MACROD2: variants seen among roughly 807,000 people sequenced by gnomAD.
MACROD2 encodes the protein ADP-ribose glycohydrolase MACROD2.
Under a neutral mutation model 70.4 loss-of-function variants are expected in MACROD2, and 36 were observed. That is an observed-to-expected ratio of 0.51 (90% CI 0.39 to 0.68). The LOEUF (loss-of-function observed/expected upper bound fraction) is 0.68, where lower values mean the gene tolerates loss of function less well. Among genes scored for constraint, MACROD2 ranks in the 30% least tolerant of loss-of-function variants. The pLI is 0.00. For synonymous variants in MACROD2, 172 were observed against 178.8 expected (o/e 0.96, Z 0.30); for missense variants, 496 against 538.4 (o/e 0.92, Z 0.78).
intron 5 of MACROD2, among the ~76,000 whole-genome samples, chr20:14,832,029 TGCGAG>T (rs2122238390): frequency 1.5e-5 from 2 of 137,108 alleles, no homozygotes; most frequent in African/African-American, 5.6e-5. Context: ...TTCATGCCTT[TGCGAG>T]TTTTTTTTTT....
chr20:14,794,309 T>C (rs1458771072), intron 5 of MACROD2, among the ~76,000 whole-genome samples: 2 of 152,158 alleles, frequency 1.3e-5, no homozygotes, highest in African/African-American at 4.8e-5. Context: ...TATGTCACCA[T>C]TGAAGACTAC....
At chr20:15,143,874 C>A (rs2076210437) in intron 5 of MACROD2, among the ~76,000 whole-genome samples, 1 of 150,542 alleles carries the variant, frequency 6.6e-6, no homozygotes, top group Non-Finnish European at 1.5e-5. Context: ...TTTTGGCTTC[C>A]CTGGGCCACG....
intron 6 of MACROD2, among the ~76,000 whole-genome samples, chr20:15,264,661 A>G (rs1383789686): frequency 6.6e-6 from 1 of 152,168 alleles, no homozygotes; most frequent in Non-Finnish European, 1.5e-5. Context: ...TGCAGCCCTC[A>G]GAAGAATAGG....
intron 4 of MACROD2, among the ~76,000 whole-genome samples, chr20:14,537,154 A>G (rs2085376590): frequency 6.6e-6 from 1 of 152,210 alleles, no homozygotes; most frequent in Non-Finnish European, 1.5e-5. Flanking sequence ...ATTGGTGAAG[A>G]AAGCTCATAT....
chr20:15,743,754 T>C (rs17625810), intron 8 of MACROD2, among the ~76,000 whole-genome samples: 20,402 of 152,224 alleles, frequency 0.13, 1,584 homozygotes, highest in Non-Finnish European at 0.17. Flanking sequence ...CTCAATAAAG[T>C]TCTCTCGTTT....
chr20:15,872,224 T>C (rs1387916096), intron 9 of MACROD2, among the ~76,000 whole-genome samples: 1 of 151,366 alleles, frequency 6.6e-6, no homozygotes, highest in Non-Finnish European at 1.5e-5. Context: ...CCTCTTTCCT[T>C]CTTCTTCTTA....
At chr20:15,099,702 G>C (rs2075858184) in intron 5 of MACROD2, among the ~76,000 whole-genome samples, 1 of 152,150 alleles carries the variant, frequency 6.6e-6, no homozygotes, top group Admixed American at 6.6e-5. Flanking sequence ...GGCGGGAAAA[G>C]TTTTGAGATC....
chr20:14,874,767 C>A (rs1233868283), intron 5 of MACROD2, among the ~76,000 whole-genome samples: 1 of 151,604 alleles, frequency 6.6e-6, no homozygotes. Context: ...TGCAGTGGTG[C>A]AATCTTGGCT....
chr20:14,505,463 A>T (rs752348497), intron 4 of MACROD2, among the ~76,000 whole-genome samples: 8 of 152,246 alleles, frequency 5.3e-5, no homozygotes, highest in Non-Finnish European at 1.2e-4. Flanking sequence ...CATCCTTTAA[A>T]AAATAATACA....
chr20:14,550,982 T>C (rs1737768696), intron 4 of MACROD2, among the ~76,000 whole-genome samples: 3 of 152,196 alleles, frequency 2.0e-5, no homozygotes, highest in Admixed American at 6.5e-5. Flanking sequence ...CTGCTTATAT[T>C]TGCTGTTACC....
At chr20:15,532,482 C>T (rs2047816997) in intron 8 of MACROD2, among the ~76,000 whole-genome samples, 1 of 151,812 alleles carries the variant, frequency 6.6e-6, no homozygotes, top group South Asian at 2.1e-4. Flanking sequence ...GGAAGCAAAC[C>T]AATCAACAAA....
At chr20:14,194,248 G>C (rs1241748948) in intron 3 of MACROD2, among the ~76,000 whole-genome samples, 5 of 152,188 alleles carry the variant, frequency 3.3e-5, no homozygotes, top group Non-Finnish European at 5.9e-5. Flanking sequence ...ATGATACATT[G>C]TTGTGTATCA....
rs117905537 is a variant in MACROD2 at position 15,971,902 on chromosome 20, A to G, written c.985+4272A>G. On this transcript the variant is annotated intron_variant, in intron 13 of 17. Transcript: ENST00000684519. ...AAGAAAAGTTGATAAATGGAACTCA[A>G]CCCATAAATGATGCAGATGATAGAA... is the stretch of plus-strand genomic sequence containing the variant. Among the ~76,000 whole-genome samples, 613 of 152,304 alleles carry G rather than the reference A, an allele frequency of 4.0e-3. 4 individuals carry two copies. The highest frequency in any genetic ancestry group is 7.5e-3 in the Non-Finnish European group (513 of 68,026).
chr20:15,919,292 C>T (rs948352282), intron 10 of MACROD2, among the ~76,000 whole-genome samples: 1 of 152,218 alleles, frequency 6.6e-6, no homozygotes, highest in African/African-American at 2.4e-5. Flanking sequence ...CTGTGGCCTA[C>T]TCTGCCACCA....
intron 5 of MACROD2, among the ~76,000 whole-genome samples, chr20:14,918,215 A>G (rs1298245933): frequency 2.0e-5 from 3 of 152,110 alleles, no homozygotes; most frequent in Non-Finnish European, 4.4e-5. Flanking sequence ...GGTTCAAGCA[A>G]TCCACCTGCC....
At chr20:14,348,552 G>T (rs6110256) in intron 3 of MACROD2, among the ~76,000 whole-genome samples, 1 of 147,100 alleles carries the variant, frequency 6.8e-6, no homozygotes, top group Non-Finnish European at 1.5e-5. Context: ...TTTATTAGTA[G>T]ACAAAAAAAA....
intron 7 of MACROD2, among the ~76,000 whole-genome samples, chr20:15,442,470 G>A (rs1252765718): frequency 6.6e-6 from 1 of 152,038 alleles, no homozygotes; most frequent in East Asian, 1.9e-4. Context: ...CCTTCCCGAA[G>A]GTATTGGTCT....
intron 5 of MACROD2, among the ~76,000 whole-genome samples, chr20:15,215,194 AG>A (rs1160553614): frequency 6.6e-6 from 1 of 151,906 alleles, no homozygotes; most frequent in Non-Finnish European, 1.5e-5. Context: ...ACTATGAAAC[AG>A]CTAGTTCAAA....
At chr20:15,590,399 C>A (rs985684805) in intron 8 of MACROD2, among the ~76,000 whole-genome samples, 1 of 152,202 alleles carries the variant, frequency 6.6e-6, no homozygotes, top group Non-Finnish European at 1.5e-5. Flanking sequence ...GGAATTCAGA[C>A]CCAGCCTTTA....
Sources: gnomAD v4.1 joint callset for allele counts (sites outside exome capture counted in the v4.1 genomes callset) on GRCh38, gnomAD v4.1.1 for gene constraint, MANE v1.5 for transcripts, NCBI Gene and HGNC (gene_info 2026-07-23, HGNC 2026-07-21) for gene names.